The following CEP250 variants were observed in gnomAD, a reference collection of about 807,000 sequenced individuals.
The protein encoded by CEP250 is centrosomal protein 250, also known as centrosome-associated protein CEP250.
CEP250 carries 242 observed loss-of-function variants against 315.7 expected under a neutral mutation model. The observed-to-expected ratio is 0.77, with a 90% CI of 0.69 to 0.85. CEP250 has a LOEUF of 0.85. Among genes scored for constraint, CEP250 ranks in the 40% least tolerant of loss-of-function variants. The probability of loss-of-function intolerance (pLI) is 0.00; values close to 1 mark genes in which losing one functional copy is unlikely to be tolerated. For missense variants in CEP250, 2,515 were observed against 2,886.4 expected (o/e 0.87, Z 2.95); for synonymous variants, 1,088 against 1,175.0 (o/e 0.93, Z 1.51).
At chr20:35,500,948 C>G (rs955324349) in intron 28 of CEP250, among the ~76,000 whole-genome samples, 3 of 152,164 alleles carry the variant, frequency 2.0e-5, no homozygotes, top group Non-Finnish European at 4.4e-5. Context: ...ACTGTAAGAA[C>G]ATTATAAAAC....
chr20:35,491,150 G>C (rs2063678045), intron 21 of CEP250, 62 bp from the exon 22 acceptor site: 3 of 1,574,200 alleles, frequency 1.9e-6, no homozygotes, highest in Non-Finnish European at 1.7e-6. Context: ...TGTGCTTGTG[G>C]CCTCGTTGGT....
chr20:35,491,241 A>G lies in CEP250; in HGVS notation c.2784A>G (p.Val928=), dbSNP rs781676671. The stretch of plus-strand genomic sequence containing the variant: ...AGCTGGAAACAGAGAAGGAGAGAGT[A>G]TCCCTCCTGGAGACACTGCTGCAGA... ...QMQLETEKER[V]SLLETLLQTQ... The change falls in exon 22 of 35, where the codon GTA becomes GTG. Residue 928 remains valine, a synonymous_variant. Coordinates refer to ENST00000397527, the MANE Select transcript of CEP250 (RefSeq NM_007186.6). 6.2e-7 allele frequency: 1 copy of G among 1,610,982 alleles called. No individual in the cohort carries two copies. Among genetic ancestry groups the G allele is most frequent in the Admixed American group, 1.7e-5 (1 of 59,618 alleles).
Position 35,513,258 on chromosome 20 carries a change from CT to C in CEP250, c.*1645del, listed in dbSNP as rs34983410. 358 of 144,188 alleles carry C rather than the reference CT, an allele frequency of 2.5e-3. No individual in the cohort carries two copies. Among genetic ancestry groups the C allele is most frequent in the Middle Eastern group, 7.2e-3 (2 of 276 alleles). 8.9% of individuals were successfully genotyped at this position (144,188 alleles called of 1,614,324 possible). A position where few individuals can be genotyped will look rare whatever the true frequency, so the allele number is the denominator to read the frequency against. On this transcript the variant is annotated 3_prime_UTR_variant, in exon 35 of 35. Transcript: ENST00000397527. Reference sequence around the variant, plus strand: ...CTTTTAGGCCATTTATTTCTTTTTCCTTTTTTTTTTTTTGAGACAGAGTTTT... The same window carrying C: ...CTTTTAGGCCATTTATTTCTTTTTCCTTTTTTTTTTTTGAGACAGAGTTTT...
intron 23 of CEP250, 108 bp downstream of exon 23, chr20:35,493,680 G>A (rs1022100156): frequency 9.0e-7 from 1 of 1,115,776 alleles, no homozygotes; most frequent in Non-Finnish European, 1.2e-6. Flanking sequence ...GCCTGGTTTG[G>A]GAGGGTAGAT....
At chr20:35,495,576 A>C (rs890590799) in intron 24 of CEP250, among the ~76,000 whole-genome samples, 2 of 152,050 alleles carry the variant, frequency 1.3e-5, no homozygotes, top group African/African-American at 4.8e-5. Context: ...CCTGGCCAAC[A>C]TGTCTACTAA....
In CEP250 at chr20:35,512,298, T is replaced by C. The variant is rs923265613; in HGVS notation, c.*672T>C. On this transcript the variant is annotated 3_prime_UTR_variant, in exon 35 of 35. Coordinates refer to ENST00000397527, the MANE Select transcript of CEP250 (RefSeq NM_007186.6). ...TTGAAAGATGGAGTGGGGTTGGAGG[T>C]GTTGCCAAGCACACAGTGAGAAGAC... is the stretch of plus-strand genomic sequence containing the variant. 1 of 152,742 alleles carries C rather than the reference T, an allele frequency of 6.5e-6. No individual in the cohort carries two copies. The highest frequency in any genetic ancestry group is 2.4e-5 in the African/African-American group (1 of 41,252). 9.5% of individuals were successfully genotyped at this position (152,742 alleles called of 1,614,324 possible).
At chr20:35,477,735 C>T (rs2063213402) in intron 16 of CEP250, 136 bp from the exon 17 acceptor site, 7 of 718,854 alleles carry the variant, frequency 9.7e-6, no homozygotes, top group Non-Finnish European at 1.6e-5. Context: ...TGGATTTTCC[C>T]CCATCTTATA....
chr20:35,492,677 G>C lies in CEP250; in HGVS notation c.2890-752G>C, dbSNP rs114820656. 9.2e-3 allele frequency among the ~76,000 whole-genome samples: 1,397 copies of C among 152,318 alleles called. 16 individuals carry two copies. Among genetic ancestry groups the C allele is most frequent in the African/African-American group, 0.031 (1,293 of 41,556 alleles). ...AGCCAGAAGCCCTGTGTCAGCCATT[G>C]TAGGAGCTTGGATTTTGTTCTAAGA... On this transcript the variant is annotated intron_variant, in intron 22 of 34. Coordinates refer to ENST00000397527, the MANE Select transcript of CEP250 (RefSeq NM_007186.6).
At chr20:35,460,670 G>T (rs956689788) in intron 3 of CEP250, among the ~76,000 whole-genome samples, 4 of 152,230 alleles carry the variant, frequency 2.6e-5, no homozygotes, top group African/African-American at 9.6e-5. Flanking sequence ...TTTTCCAAAG[G>T]AGCCAGAAAT....
Position 35,463,595 on chromosome 20 carries a change from G to A in CEP250, c.207G>A (p.Trp69Ter). Residue 69 changes from tryptophan to a stop codon, truncating the protein, a stop_gained, in exon 5 of 35, where the codon TGG becomes TGA. Transcript: ENST00000397527. LOFTEE classifies it high-confidence loss of function. ...TGCAGGTGCTGCAGTACCGAAGCTG[G>A]TGCCAAGAGCTGGAGAAGCGGCTAG... is the stretch of plus-strand genomic sequence containing the variant. ...LQAKVLQYRSWCQELEKRLEA... is the reference protein window; with the variant it reads ...LQAKVLQYRS The A allele has an allele frequency of 6.2e-7, 1 of 1,610,060 alleles. No individual in the cohort carries two copies.
intron 23 of CEP250, 155 bp from the exon 24 acceptor site, chr20:35,494,369 A>G: frequency 1.1e-6 from 1 of 948,992 alleles, no homozygotes; most frequent in Non-Finnish European, 1.6e-6. Flanking sequence ...GGGGGTGGTT[A>G]AGAACAGTGT....
intron 16 of CEP250, 128 bp from the exon 17 acceptor site, chr20:35,477,743 A>G (rs2063213684): frequency 1.3e-6 from 1 of 767,252 alleles, no homozygotes; most frequent in South Asian, 1.8e-5. Context: ...CCCCCATCTT[A>G]TAAACACTCC....
chr20:35,504,482 A>T lies in CEP250; in HGVS notation c.6113A>T (p.Gln2038Leu). Residue 2038 changes from glutamine (Q) to leucine (L), a missense_variant, in exon 30 of 35, where the codon CAG (glutamine) becomes CTG (leucine). Gln to Leu is a moderately radical substitution (Grantham distance 113). Coordinates refer to ENST00000397527, the MANE Select transcript of CEP250 (RefSeq NM_007186.6). ...DQDLRYQEDV[Q>L]QLQQALAQRD... ...GATCTCCGATACCAGGAGGATGTGC[A>T]GCAGCTGCAGCAGGCACTTGCCCAG... 1.9e-6 allele frequency: 3 copies of T among 1,613,686 alleles called. No individual in the cohort carries two copies. Among genetic ancestry groups the T allele is most frequent in the Non-Finnish European group, 2.5e-6 (3 of 1,179,790 alleles).
intron 27 of CEP250, 57 bp from the exon 28 acceptor site, chr20:35,499,992 T>C (rs1291774062): frequency 4.4e-6 from 7 of 1,608,806 alleles, no homozygotes; most frequent in Non-Finnish European, 6.0e-6. Context: ...GCTTGAGCCC[T>C]GCATTGTTTT....
At chr20:35,467,136 C>T in intron 8 of CEP250, 64 bp downstream of exon 8, 1 of 862,938 alleles carries the variant, frequency 1.2e-6, no homozygotes, top group Non-Finnish European at 1.7e-6. Context: ...TAACAGTGGG[C>T]TGCTATAGAA....
chr20:35,459,327 T>G (rs923080623), intron 2 of CEP250, among the ~76,000 whole-genome samples: 3 of 152,086 alleles, frequency 2.0e-5, no homozygotes, highest in Admixed American at 2.0e-4. Flanking sequence ...TTTATTTGCT[T>G]AAGTATTACT....
chr20:35,494,457 G>T, intron 23 of CEP250, 67 bp from the exon 24 acceptor site: 1 of 1,601,530 alleles, frequency 6.2e-7, no homozygotes, highest in East Asian at 2.2e-5. Context: ...TGAAGCCCTA[G>T]GTGAGGAGCA....
intron 32 of CEP250, 117 bp downstream of exon 32, chr20:35,508,307 A>T (rs764456368): frequency 4.2e-6 from 5 of 1,181,094 alleles, no homozygotes; most frequent in Non-Finnish European, 6.0e-6. Flanking sequence ...TGTTTCTGAA[A>T]ATTAAGTTTG....
intron 3 of CEP250, among the ~76,000 whole-genome samples, chr20:35,461,761 T>G (rs1217668540): frequency 6.6e-6 from 1 of 152,174 alleles, no homozygotes; most frequent in Non-Finnish European, 1.5e-5. Flanking sequence ...GTTTCAAGAT[T>G]TTTGTAAAAA....
Sources: allele counts gnomAD v4.1 joint callset (sites outside exome capture counted in the v4.1 genomes callset), GRCh38; gene constraint gnomAD v4.1.1; transcripts MANE v1.5; gene names NCBI Gene and HGNC (gene_info 2026-07-23, HGNC 2026-07-21).